CTNNA2: variants seen among roughly 807,000 people sequenced by gnomAD.
CTNNA2 encodes the protein catenin alpha 2.
CTNNA2 carries 42 observed loss-of-function variants against 101.0 expected under a neutral mutation model. The ratio of observed to expected loss-of-function variants is 0.42; its 90% confidence interval spans 0.32 to 0.54. CTNNA2 has a LOEUF of 0.54. CTNNA2 is among the 20% of genes least tolerant of loss of function. CTNNA2 has a pLI of 0.14. For missense variants in CTNNA2, 871 were observed against 1,223.1 expected (o/e 0.71, Z 4.29); for synonymous variants, 450 against 456.4 (o/e 0.99, Z 0.18).
At chr2:80,450,951 A>G (rs533668503) in intron 9 of CTNNA2, among the ~76,000 whole-genome samples, 1 of 151,818 alleles carries the variant, frequency 6.6e-6, no homozygotes, top group South Asian at 2.1e-4. Flanking sequence ...GTCTTCATTA[A>G]TAACCTCCTG....
At chr2:80,427,686 A>C (rs2149420211) in intron 9 of CTNNA2, among the ~76,000 whole-genome samples, 1 of 152,310 alleles carries the variant, frequency 6.6e-6, no homozygotes, top group East Asian at 1.9e-4. Context: ...TCAGAGTCAA[A>C]CCCTAATACT....
At chr2:80,173,368 C>T (rs1705191724) in intron 7 of CTNNA2, among the ~76,000 whole-genome samples, 1 of 152,030 alleles carries the variant, frequency 6.6e-6, no homozygotes, top group Non-Finnish European at 1.5e-5. Flanking sequence ...ATCAGATTTA[C>T]CAAATATTTA....
chr2:79,813,320 A>G (rs1369345568), intron 3 of CTNNA2, among the ~76,000 whole-genome samples: 2 of 152,224 alleles, frequency 1.3e-5, no homozygotes, highest in Non-Finnish European at 2.9e-5. Flanking sequence ...GAGACCATCA[A>G]GGGAGGCAAT....
intron 2 of CTNNA2, among the ~76,000 whole-genome samples, chr2:79,665,704 G>A (rs1254385505): frequency 6.6e-6 from 1 of 152,074 alleles, no homozygotes; most frequent in Admixed American, 6.6e-5. Context: ...TAGTAATTTT[G>A]TGCTTTATAA....
chr2:80,262,014 G>C (rs1373541231), intron 7 of CTNNA2, among the ~76,000 whole-genome samples: 1 of 152,022 alleles, frequency 6.6e-6, no homozygotes, highest in Admixed American at 6.6e-5. Context: ...GCAATAAGAA[G>C]TTAAATTTAA....
chr2:80,536,775 T>TA (rs1691064892), intron 9 of CTNNA2, among the ~76,000 whole-genome samples: 1 of 152,218 alleles, frequency 6.6e-6, no homozygotes. Context: ...CTGTGGCTCT[T>TA]TTGAGACAGA....
intron 1 of CTNNA2, among the ~76,000 whole-genome samples, chr2:79,619,448 C>G (rs1678855077): frequency 6.6e-6 from 1 of 152,194 alleles, no homozygotes; most frequent in African/African-American, 2.4e-5. Context: ...ATTGTTTAAC[C>G]TTGGCTGCAG....
At chr2:80,275,409 T>G (rs952492332) in intron 7 of CTNNA2, among the ~76,000 whole-genome samples, 1 of 152,232 alleles carries the variant, frequency 6.6e-6, no homozygotes, top group African/African-American at 2.4e-5. Context: ...TTAAATGGCT[T>G]TTATGATTTA....
At chr2:80,530,979 C>T (rs1399406119) in intron 9 of CTNNA2, among the ~76,000 whole-genome samples, 1 of 152,100 alleles carries the variant, frequency 6.6e-6, no homozygotes, top group African/African-American at 2.4e-5. Flanking sequence ...CACTAGAGCT[C>T]AGGTAAGATG....
chr2:80,048,147 A>G (rs1251778415), intron 7 of CTNNA2, among the ~76,000 whole-genome samples: 1 of 152,214 alleles, frequency 6.6e-6, no homozygotes, highest in African/African-American at 2.4e-5. Flanking sequence ...CAACAACAAC[A>G]GAGTATCCAG....
At chr2:80,090,174 G>C (rs946288041) in intron 7 of CTNNA2, among the ~76,000 whole-genome samples, 2 of 145,962 alleles carry the variant, frequency 1.4e-5, no homozygotes, top group African/African-American at 4.9e-5. Context: ...GTGTGTGTGT[G>C]TGTGTGTGTG....
intron 2 of CTNNA2, among the ~76,000 whole-genome samples, chr2:79,657,200 C>T (rs1681674359): frequency 6.6e-6 from 1 of 151,462 alleles, no homozygotes; most frequent in African/African-American, 2.4e-5. Flanking sequence ...CCTTGAGGCA[C>T]AAATTATGGA....
intron 1 of CTNNA2, chr2:79,547,142 G>C (rs1673785938): frequency 6.6e-6 from 1 of 152,092 alleles, no homozygotes; most frequent in South Asian, 2.1e-4. Context: ...TCCATAGGTA[G>C]TACAGGGCTT....
intron 9 of CTNNA2, among the ~76,000 whole-genome samples, chr2:80,488,047 A>C (rs1463139513): frequency 6.6e-6 from 1 of 152,210 alleles, no homozygotes; most frequent in Non-Finnish European, 1.5e-5. Context: ...TGAATATCCC[A>C]GTTTCAATGG....
At chr2:79,329,497 T>A (rs753128136) in intron 3 of CTNNA2, among the ~76,000 whole-genome samples, 16 of 152,062 alleles carry the variant, frequency 1.1e-4, no homozygotes, top group Non-Finnish European at 1.9e-4. Flanking sequence ...ATAGGCCACA[T>A]TTACCTACGG....
At chr2:79,494,162 ATAAAT>A (rs1306002448) in intron 4 of CTNNA2, among the ~76,000 whole-genome samples, 1 of 152,214 alleles carries the variant, frequency 6.6e-6, no homozygotes, top group African/African-American at 2.4e-5. Context: ...CGTTATTGAA[ATAAAT>A]TAAAGAAGAC....
At chr2:79,350,645 A>G (rs1020309604) in intron 3 of CTNNA2, among the ~76,000 whole-genome samples, 1 of 152,206 alleles carries the variant, frequency 6.6e-6, no homozygotes, top group Admixed American at 6.5e-5. Context: ...TCCTTTAGAT[A>G]GATACCCACT....
intron 3 of CTNNA2, among the ~76,000 whole-genome samples, chr2:79,812,729 T>C (rs2102547): frequency 0.65 from 99,512 of 152,024 alleles, 35,211 homozygotes; most frequent in East Asian, 0.95. Context: ...CTGTACTTTG[T>C]CACCCAGATT....
At chr2:79,814,947 G>C (rs1677362799) in intron 3 of CTNNA2, among the ~76,000 whole-genome samples, 1 of 152,052 alleles carries the variant, frequency 6.6e-6, no homozygotes, top group Admixed American at 6.6e-5. Context: ...ACTGTCTTTT[G>C]ATTTTTTGAT....
Sources: allele counts gnomAD v4.1 joint callset (sites outside exome capture counted in the v4.1 genomes callset), GRCh38; gene constraint gnomAD v4.1.1; transcripts MANE v1.5; gene names NCBI Gene and HGNC (gene_info 2026-07-23, HGNC 2026-07-21).